Variants in ATP8B4 observed in about 807,000 individuals in gnomAD.
ATP8B4 encodes ATPase phospholipid transporting 8B4 (putative), also known as probable phospholipid-transporting ATPase IM.
A neutral mutation model predicts 145.6 loss-of-function variants in ATP8B4; 133 were observed. The ratio of observed to expected loss-of-function variants is 0.91; its 90% CI spans 0.79 to 1.05. The LOEUF (loss-of-function observed/expected upper bound fraction) is 1.05, where lower values mean the gene tolerates loss of function less well. Ranked by LOEUF, ATP8B4 falls within the 50% of genes least tolerant of loss-of-function variation. The pLI is 0.00. For missense variants in ATP8B4, 1,458 were observed against 1,425.2 expected (o/e 1.02, Z -0.37); for synonymous variants, 507 against 492.9 (o/e 1.03, Z -0.38).
intron 1 of ATP8B4, among the ~76,000 whole-genome samples, chr15:50,173,159 G>A (rs1461539218): frequency 1.3e-5 from 2 of 152,030 alleles, no homozygotes; most frequent in African/African-American, 2.4e-5. Context: ...GAAGTGAGGA[G>A]CCCCTCTGCC....
intron 3 of ATP8B4, among the ~76,000 whole-genome samples, chr15:50,071,396 A>G (rs143157973): frequency 7.7e-4 from 117 of 152,346 alleles, no homozygotes; most frequent in African/African-American, 2.5e-3. Flanking sequence ...GTATCACTTT[A>G]CAAGGCACAA....
At chr15:50,158,529 G>C (rs932045988) in intron 1 of ATP8B4, among the ~76,000 whole-genome samples, 3 of 151,516 alleles carry the variant, frequency 2.0e-5, no homozygotes, top group African/African-American at 4.9e-5. Context: ...GGGAGGTGGG[G>C]GGCGCCTCTG....
intron 1 of ATP8B4, among the ~76,000 whole-genome samples, chr15:50,164,081 C>T (rs777409568): frequency 3.9e-5 from 6 of 152,182 alleles, no homozygotes; most frequent in Non-Finnish European, 8.8e-5. Context: ...GGAGCCAATG[C>T]CTGGAGTCAG....
chr15:50,051,080 C>T lies in ATP8B4; in HGVS notation c.88-3616G>A, dbSNP rs147380498. Among the ~76,000 whole-genome samples the T allele has an allele frequency of 4.6e-5, 7 of 152,296 alleles. No homozygotes were observed. The East Asian group carries it at 5.8e-4, about 13-fold the overall frequency. On this transcript the variant is annotated intron_variant, in intron 3 of 27. Coordinates refer to ENST00000284509, the MANE Select transcript of ATP8B4 (RefSeq NM_024837.4). ...CTTGAATTGTAGTTCCCATAATCCT[C>T]ACATGTCGTAGGAGGGACCCGATGG...
At chr15:50,172,153 ACTCCCG>A (rs893587535) in intron 1 of ATP8B4, among the ~76,000 whole-genome samples, 9 of 152,082 alleles carry the variant, frequency 5.9e-5, no homozygotes, top group Admixed American at 2.0e-4. Context: ...TCTCCCTCCC[ACTCCCG>A]CTCCCTCTTT....
chr15:50,006,010 A>G (rs1015051942), intron 7 of ATP8B4, among the ~76,000 whole-genome samples: 1 of 152,202 alleles, frequency 6.6e-6, no homozygotes, highest in African/African-American at 2.4e-5. Context: ...TAAAAATAAA[A>G]ATAAACCAAA....
chr15:49,905,433 A>G (rs2038499243), intron 20 of ATP8B4, among the ~76,000 whole-genome samples: 1 of 152,198 alleles, frequency 6.6e-6, no homozygotes, highest in Non-Finnish European at 1.5e-5. Flanking sequence ...CTTAGATATA[A>G]GTAGCTGAGA....
chr15:50,071,866 G>A (rs2053759153), intron 3 of ATP8B4, among the ~76,000 whole-genome samples: 1 of 152,096 alleles, frequency 6.6e-6, no homozygotes, highest in Admixed American at 6.5e-5. Context: ...AAATCAGAAT[G>A]CCAGTATATT....
At chr15:49,901,801 C>A in intron 20 of ATP8B4, 1 of 419,942 alleles carries the variant, frequency 2.4e-6, no homozygotes, top group South Asian at 1.8e-5. Context: ...TTGGCATAGC[C>A]ATTATAATAG....
chr15:50,027,924 C>T (rs1567222914), intron 6 of ATP8B4, among the ~76,000 whole-genome samples: 1 of 152,208 alleles, frequency 6.6e-6, no homozygotes, highest in Non-Finnish European at 1.5e-5. Flanking sequence ...CTTGAAGTCA[C>T]AGTTTCCAAG....
intron 6 of ATP8B4, among the ~76,000 whole-genome samples, chr15:50,024,901 G>A (rs2049888333): frequency 1.3e-5 from 2 of 152,162 alleles, no homozygotes; most frequent in South Asian, 4.1e-4. Flanking sequence ...GGGTAAAGAT[G>A]GGCTTGGTAT....
rs28416764 is a variant in ATP8B4, at chr15:50,106,800, G to T, written c.28+139C>A. On this transcript the variant is annotated intron_variant, in intron 2 of 27. Coordinates refer to ENST00000284509, the MANE Select transcript of ATP8B4 (RefSeq NM_024837.4). ...TTATACACCCTTTGTAGTTACATGG[G>T]TGTATATAATCGTCGAAGTTCACTG... The T allele has an allele frequency of 7.7e-5, 55 of 712,688 alleles. No homozygotes were observed. The Admixed American group carries it at 1.8e-3, about 23-fold the overall frequency. 44.1% of individuals were successfully genotyped at this position (712,688 alleles called of 1,614,324 possible).
intron 2 of ATP8B4, among the ~76,000 whole-genome samples, chr15:50,093,626 G>A (rs958744975): frequency 2.0e-5 from 3 of 151,872 alleles, no homozygotes; most frequent in African/African-American, 7.2e-5. Context: ...TTAAGATAAT[G>A]CATTTATTTT....
chr15:49,884,203 C>T (rs1032611974), intron 23 of ATP8B4, among the ~76,000 whole-genome samples: 2 of 151,960 alleles, frequency 1.3e-5, no homozygotes, highest in Admixed American at 6.6e-5. Context: ...AGTTTGAGAA[C>T]GCCAGCCAAG....
chr15:50,178,317 T>G (rs28626417), intron 1 of ATP8B4, among the ~76,000 whole-genome samples: 5,694 of 152,278 alleles, frequency 0.037, 144 homozygotes, highest in African/African-American at 0.07. Flanking sequence ...GTCTGAGATC[T>G]CAGTGCTGAC....
chr15:49,960,150 C>G (rs969575702), intron 14 of ATP8B4, among the ~76,000 whole-genome samples: 1 of 151,798 alleles, frequency 6.6e-6, no homozygotes, highest in Non-Finnish European at 1.5e-5. Context: ...GCCTCAGGCT[C>G]CCAAGTAGCT....
At chr15:50,057,033 A>G (rs1195039175) in intron 3 of ATP8B4, among the ~76,000 whole-genome samples, 3 of 151,992 alleles carry the variant, frequency 2.0e-5, no homozygotes, top group Non-Finnish European at 4.4e-5. Context: ...GTCAGATTTA[A>G]TTTTCTTTTA....
At chr15:50,006,497 A>G (rs2153566152) in intron 7 of ATP8B4, among the ~76,000 whole-genome samples, 1 of 150,792 alleles carries the variant, frequency 6.6e-6, no homozygotes, top group African/African-American at 2.4e-5. Flanking sequence ...ACCAAAAAAA[A>G]AAAAAAAAAA....
intron 11 of ATP8B4, among the ~76,000 whole-genome samples, 167 bp downstream of exon 11, chr15:49,981,039 T>C (rs976002273): frequency 3.3e-5 from 5 of 152,156 alleles, no homozygotes; most frequent in African/African-American, 1.2e-4. Flanking sequence ...GTTGAGAAAT[T>C]AGCATAATCT....
Sources: gnomAD v4.1 joint callset for allele counts (sites outside exome capture counted in the v4.1 genomes callset) on GRCh38, gnomAD v4.1.1 for gene constraint, MANE v1.5 for transcripts, NCBI Gene and HGNC (gene_info 2026-07-23, HGNC 2026-07-21) for gene names.